ATAD3A: variants seen among roughly 807,000 people sequenced by gnomAD.
ATAD3A encodes the protein ATPase family AAA domain-containing protein 3A.
A neutral mutation model predicts 73.8 loss-of-function variants in ATAD3A; 46 were observed. That is an observed-to-expected ratio of 0.62 (90% CI 0.49 to 0.80). ATAD3A has a LOEUF of 0.80. Among genes scored for constraint, ATAD3A ranks in the 30% least tolerant of loss-of-function variants. ATAD3A has a pLI of 0.00. For missense variants in ATAD3A, 705 were observed against 838.0 expected, an observed-to-expected ratio of 0.84 and a Z score of 1.96; for synonymous variants, 319 against 350.0, an observed-to-expected ratio of 0.91 and a Z score of 0.99.
chr1:1,529,472 C>G, intron 15 of ATAD3A, 141 bp downstream of exon 15: 2 of 1,449,466 alleles, frequency 1.4e-6, no homozygotes, highest in Non-Finnish European at 1.8e-6. Flanking sequence ...TGACACAGGG[C>G]CCCCTGCCCC....
At chr1:1,526,101 C>T (rs1641833959) in intron 12 of ATAD3A, among the ~76,000 whole-genome samples, 1 of 151,710 alleles carries the variant, frequency 6.6e-6, no homozygotes, top group African/African-American at 2.4e-5. Flanking sequence ...CAGCTCACTA[C>T]AACCTCTGCC....
intron 7 of ATAD3A, among the ~76,000 whole-genome samples, chr1:1,522,135 G>A (rs1395558105): frequency 6.6e-6 from 1 of 152,052 alleles, no homozygotes; most frequent in Non-Finnish European, 1.5e-5. Flanking sequence ...TGCCTTCCGG[G>A]TTCAAGAGAT....
chr1:1,525,264 G>A lies in ATAD3A; in HGVS notation c.1239G>A (p.Ala413=), dbSNP rs138094382. 245 of 1,613,966 alleles carry A rather than the reference G, an allele frequency of 1.5e-4. 2 individuals carry two copies. Among genetic ancestry groups the A allele is most frequent in the Middle Eastern group, 1.3e-3 (8 of 6,050 alleles). The change falls in exon 12 of 16, where the codon GCG becomes GCA. Residue 413 remains alanine (A), a synonymous_variant. Transcript: ENST00000378756. ...GCCTCCTGCTCTTTGTGGATGAAGC[G>A]GACGCCTTCCTTCGGAAGCGAGCCA... ...RRGLLLFVDE[A]DAFLRKRATE...
chr1:1,518,638 C>T (rs1268046106), intron 4 of ATAD3A, among the ~76,000 whole-genome samples: 4 of 81,448 alleles, frequency 4.9e-5, no homozygotes, highest in African/African-American at 2.3e-4. Context: ...CCCACAGGCA[C>T]GCACAACCCC....
At chr1:1,516,368 C>G (rs1211901064) in intron 2 of ATAD3A, among the ~76,000 whole-genome samples, 1 of 145,180 alleles carries the variant, frequency 6.9e-6, no homozygotes, top group Admixed American at 6.7e-5. Flanking sequence ...TCCGGATGGC[C>G]TGGATCTTCT....
At chr1:1,518,294 A>C (rs199936108) in intron 4 of ATAD3A, among the ~76,000 whole-genome samples, 2,548 of 71,086 alleles carry the variant, frequency 0.036, 179 homozygotes, top group East Asian at 0.33. Flanking sequence ...GTACCCCCCC[A>C]CACACACACA....
At chr1:1,521,613 C>T (rs1641603158) in intron 7 of ATAD3A, among the ~76,000 whole-genome samples, 1 of 152,216 alleles carries the variant, frequency 6.6e-6, no homozygotes, top group African/African-American at 2.4e-5. Context: ...GTCAGTGTGA[C>T]GGTGAATGTT....
Position 1,525,414 on chromosome 1 carries a change from T to C in ATAD3A, c.1266+123T>C, listed in dbSNP as rs1304712522. 105 of 163,010 alleles carry C rather than the reference T, an allele frequency of 6.4e-4. No individual in the cohort carries two copies. The East Asian group carries it at 0.021, about 32-fold the overall frequency. 10.1% of individuals were successfully genotyped at this position (163,010 alleles called of 1,614,324 possible). A position where few individuals can be genotyped will look rare whatever the true frequency, so the allele number is the denominator to read the frequency against. ...CTGTAAGCTTTGTGTGAAAAACAGC[T>C]TTTTTTTTTTTTTTTTTTGAGAAGA... is the stretch of plus-strand genomic sequence containing the variant. On this transcript the variant is annotated intron_variant, in intron 12 of 15. Coordinates refer to ENST00000378756, the MANE Select transcript of ATAD3A (RefSeq NM_001170535.3).
intron 15 of ATAD3A, among the ~76,000 whole-genome samples, chr1:1,532,559 C>T (rs753733196): frequency 6.6e-6 from 1 of 152,182 alleles, no homozygotes; most frequent in Non-Finnish European, 1.5e-5. Flanking sequence ...GCCCCAGAAT[C>T]CCACCCAGGA....
chr1:1,525,483 C>T (rs576632170), intron 12 of ATAD3A, among the ~76,000 whole-genome samples, 192 bp downstream of exon 12: 12 of 147,858 alleles, frequency 8.1e-5, no homozygotes, highest in African/African-American at 1.8e-4. Context: ...GGCCCCATCT[C>T]GGCTCACTGC....
intron 7 of ATAD3A, among the ~76,000 whole-genome samples, chr1:1,521,282 TAGTG>T (rs1641586318): frequency 8.9e-6 from 1 of 112,382 alleles, no homozygotes; most frequent in South Asian, 2.7e-4. Context: ...CTGGGCCACA[TAGTG>T]AGGCTTCTTC....
chr1:1,534,137 G>A lies in ATAD3A; in HGVS notation c.*65G>A, dbSNP rs1211291539. ...GACCCCTCCCACCCCTGCCTTGCCG[G>A]CCCCTGCACATTTAGGATATGCTCC... On this transcript the variant is annotated 3_prime_UTR_variant, in exon 16 of 16. Coordinates refer to ENST00000378756, the MANE Select transcript of ATAD3A (RefSeq NM_001170535.3). The A allele has an allele frequency of 4.4e-6, 7 of 1,607,394 alleles. No homozygotes were observed. The highest frequency in any genetic ancestry group is 3.3e-5 in the Admixed American group (2 of 59,764).
rs560019276 is a variant in ATAD3A, at chr1:1,515,895, G to T, written c.206-117G>T. 2,696 of 1,119,268 alleles carry T rather than the reference G, an allele frequency of 2.4e-3. 9 individuals carry two copies. Among genetic ancestry groups the T allele is most frequent in the Non-Finnish European group, 2.9e-3 (2,204 of 765,596 alleles). The allele number at this position is 1,119,268 out of a possible 1,614,324, so 69.3% of individuals were successfully genotyped here. On this transcript the variant is annotated intron_variant, in intron 1 of 15. Transcript: ENST00000378756. ...AAGGAGGATGGGGAGGCAGGGCTGG[G>T]GGCTTTGAGGTCGAGGCGTGGCCGT...
intron 11 of ATAD3A, among the ~76,000 whole-genome samples, chr1:1,524,775 A>G (rs1273173379): frequency 1.4e-5 from 2 of 146,836 alleles, no homozygotes; most frequent in Admixed American, 1.3e-4. Flanking sequence ...AGTTAGCTGA[A>G]GACAGCATGG....
At chr1:1,514,200 T>TCACTG (rs1357897928) in intron 1 of ATAD3A, among the ~76,000 whole-genome samples, 12 of 152,064 alleles carry the variant, frequency 7.9e-5, no homozygotes, top group Admixed American at 3.3e-4. Flanking sequence ...CTCCCCAGAG[T>TCACTG]CACTGGGGGT....
In ATAD3A at chr1:1,523,483, G is replaced by C. The variant is rs533917101; in HGVS notation, c.907-28G>C. 2 of 1,606,690 alleles carry C rather than the reference G, an allele frequency of 1.2e-6. No homozygotes were observed. Among genetic ancestry groups the C allele is most frequent in the South Asian group, 1.1e-5 (1 of 90,200 alleles). On this transcript the variant is annotated intron_variant, in intron 8 of 15. Coordinates refer to ENST00000378756, the MANE Select transcript of ATAD3A (RefSeq NM_001170535.3). The surrounding 1 kb of genome is among the most constrained non-coding windows in gnomAD (Gnocchi z 5.1). ...GTTCCGTGGCTGTGGCAGGTGACCC[G>C]ATGGCGCTTCCCCTTCCCCTCCGGC...
chr1:1,526,011 CTTTCT>C (rs1261814920), intron 12 of ATAD3A, among the ~76,000 whole-genome samples: 1 of 151,208 alleles, frequency 6.6e-6, no homozygotes, highest in Admixed American at 6.6e-5. Flanking sequence ...CCCGGTCAGG[CTTTCT>C]TTTCTTTTTC....
chr1:1,521,776 T>G (rs1447043328), intron 7 of ATAD3A, among the ~76,000 whole-genome samples: 1 of 152,238 alleles, frequency 6.6e-6, no homozygotes, highest in Non-Finnish European at 1.5e-5. Context: ...CTCGGCTCAC[T>G]GCAACCTCCA....
chr1:1,517,106 T>C (rs1378109361), intron 2 of ATAD3A: 1 of 1,533,110 alleles, frequency 6.5e-7, no homozygotes, highest in Non-Finnish European at 8.8e-7. Flanking sequence ...CTTCGCGGGC[T>C]TCTGCTGGTG....
Sources: gnomAD v4.1 joint callset for allele counts (sites outside exome capture counted in the v4.1 genomes callset) on GRCh38, gnomAD v4.1.1 for gene constraint, Gnocchi (gnomAD v3.1) non-coding constraint, MANE v1.5 for transcripts, NCBI Gene and HGNC (gene_info 2026-07-23, HGNC 2026-07-21) for gene names.